Variants in CD247 observed in about 807,000 individuals in gnomAD.
The protein encoded by CD247 is T-cell surface glycoprotein CD3 zeta chain.
In CD247, 13 loss-of-function variants were observed where a neutral mutation model predicts 30.0. That is an observed-to-expected ratio of 0.43 (90% confidence interval 0.28 to 0.69). The LOEUF is 0.69. Among genes scored for constraint, CD247 ranks in the 30% least tolerant of loss-of-function variants. The probability of loss-of-function intolerance (pLI) is 0.16; values close to 1 mark genes in which losing one functional copy is unlikely to be tolerated. For missense variants in CD247, 193 were observed against 212.6 expected, an observed-to-expected ratio of 0.91 and a Z score of 0.57; for synonymous variants, 72 against 80.0, an observed-to-expected ratio of 0.90 and a Z score of 0.53.
chr1:167,460,999 C>T (rs1270072561), intron 1 of CD247, among the ~76,000 whole-genome samples: 2 of 152,228 alleles, frequency 1.3e-5, no homozygotes, highest in African/African-American at 2.4e-5. Flanking sequence ...TGTGCCCAGC[C>T]CACGCGCTGT....
rs1651252499 is a variant in CD247 at position 167,431,271 on chromosome 1, G to T, written c.*410C>A. The T allele has an allele frequency of 1.9e-6, 1 of 520,826 alleles. No homozygotes were observed. The highest frequency in any genetic ancestry group is 1.9e-5 in the African/African-American group (1 of 52,952). The allele number at this position is 520,826 out of a possible 1,614,324, so 32.3% of individuals were successfully genotyped here. ...ACAACAGAAGCCAAATTTACAGCAG[G>T]AGTGAAGCCACTCAGACACAGAGTG... On this transcript the variant is annotated 3_prime_UTR_variant, in exon 8 of 8. Transcript: ENST00000362089.
rs557544456 is a variant in CD247, at chr1:167,444,991, C to G, written c.59-4224G>C. On this transcript the variant is annotated intron_variant, in intron 1 of 7. Coordinates refer to ENST00000362089, the MANE Select transcript of CD247 (RefSeq NM_198053.3). ...CCCAGGCTGGAGTGCAATGGCATGACCTCAGCTCACTGCAACCTCTGCCTC... is the reference window on the plus strand; with the variant it reads ...CCCAGGCTGGAGTGCAATGGCATGAGCTCAGCTCACTGCAACCTCTGCCTC... 8.6e-5 allele frequency among the ~76,000 whole-genome samples: 13 copies of G among 151,712 alleles called. No individual in the cohort carries two copies. In the East Asian group the frequency reaches 2.3e-3, roughly 27 times the overall value.
At chr1:167,507,080 T>G (rs1655173457) in intron 1 of CD247, among the ~76,000 whole-genome samples, 2 of 151,868 alleles carry the variant, frequency 1.3e-5, no homozygotes, top group Admixed American at 1.3e-4. Flanking sequence ...TGTTTGTTTG[T>G]TTTTGTTTTT....
At chr1:167,450,787 C>T (rs1043640631) in intron 1 of CD247, among the ~76,000 whole-genome samples, 1 of 151,384 alleles carries the variant, frequency 6.6e-6, no homozygotes, top group Non-Finnish European at 1.5e-5. Context: ...GTGGCATGTG[C>T]CTGTAGTCCC....
chr1:167,450,643 AG>A (rs1272960968), intron 1 of CD247, among the ~76,000 whole-genome samples: 1 of 152,190 alleles, frequency 6.6e-6, no homozygotes, highest in African/African-American at 2.4e-5. Context: ...ACATACTGGG[AG>A]CAGTGGCTCA....
At chr1:167,474,568 C>T (rs1372584925) in intron 1 of CD247, among the ~76,000 whole-genome samples, 1 of 152,056 alleles carries the variant, frequency 6.6e-6, no homozygotes, top group East Asian at 1.9e-4. Context: ...CTGGCTGAGC[C>T]CCCGGTCTGG....
chr1:167,498,266 CA>C, intron 1 of CD247, among the ~76,000 whole-genome samples: 1 of 152,340 alleles, frequency 6.6e-6, no homozygotes, highest in Non-Finnish European at 1.5e-5. Context: ...CTAAAACCAA[CA>C]ATGCCTTGAC....
At chr1:167,451,828 C>T (rs533665916) in intron 1 of CD247, among the ~76,000 whole-genome samples, 7 of 152,296 alleles carry the variant, frequency 4.6e-5, no homozygotes, top group South Asian at 2.1e-4. Flanking sequence ...AAGATTAGGT[C>T]GGGCGAGGTG....
At chr1:167,463,040 CT>C (rs1448379449) in intron 1 of CD247, among the ~76,000 whole-genome samples, 1 of 152,222 alleles carries the variant, frequency 6.6e-6, no homozygotes. Flanking sequence ...GGGACTGCTT[CT>C]TTTGCTTGAT....
At chr1:167,454,850 G>C (rs1366906882) in intron 1 of CD247, among the ~76,000 whole-genome samples, 1 of 152,248 alleles carries the variant, frequency 6.6e-6, no homozygotes, top group African/African-American at 2.4e-5. Context: ...AGCCAGGAGG[G>C]CCGCACCTGC....
At chr1:167,453,427 G>T (rs1023775532) in intron 1 of CD247, among the ~76,000 whole-genome samples, 3 of 152,050 alleles carry the variant, frequency 2.0e-5, no homozygotes, top group Non-Finnish European at 2.9e-5. Context: ...TTGAAAATTA[G>T]CACCATTTCA....
chr1:167,449,912 G>C (rs1175414913), intron 1 of CD247, among the ~76,000 whole-genome samples: 2 of 150,994 alleles, frequency 1.3e-5, no homozygotes, highest in African/African-American at 2.4e-5. Context: ...GACAAAGTGA[G>C]ACTCTGTCTC....
intron 4 of CD247, among the ~76,000 whole-genome samples, chr1:167,436,874 G>T (rs1044427629): frequency 1.3e-5 from 2 of 152,110 alleles, no homozygotes; most frequent in Non-Finnish European, 2.9e-5. Flanking sequence ...GAACACTCTT[G>T]GTGGGAATGT....
chr1:167,434,407 C>T (rs983501937), intron 5 of CD247: 2 of 415,642 alleles, frequency 4.8e-6, no homozygotes, highest in African/African-American at 2.0e-5. Context: ...CACCTGGAGC[C>T]CCAGAATCAT....
At chr1:167,434,144 C>G (rs1157637406) in intron 5 of CD247, 68 bp from the exon 6 acceptor site, 1 of 1,445,386 alleles carries the variant, frequency 6.9e-7, no homozygotes, top group South Asian at 1.1e-5. Context: ...TCCCCTACAA[C>G]AGGAAGCTTC....
intron 1 of CD247, among the ~76,000 whole-genome samples, chr1:167,481,473 A>C (rs1214607): frequency 5.1e-4 from 78 of 152,032 alleles, no homozygotes; most frequent in Non-Finnish European, 9.1e-4. Flanking sequence ...TTGGGAGCAG[A>C]GGGAGGATGG....
Position 167,499,330 on chromosome 1 carries a change from GA to G in CD247, c.58+19077del, listed in dbSNP as rs1205416066. On this transcript the variant is annotated intron_variant, in intron 1 of 7. Coordinates refer to ENST00000362089, the MANE Select transcript of CD247 (RefSeq NM_198053.3). ...CCAGGTGTTTTAGTGCAGAGGTCGA[GA>G]AACCCTGCTCCAAGCATTCGATCAA... is the stretch of plus-strand genomic sequence containing the variant. Among the ~76,000 whole-genome samples, 3 of 152,150 alleles carry G rather than the reference GA, an allele frequency of 2.0e-5. No homozygotes were observed. In the East Asian group the frequency reaches 5.8e-4, roughly 29 times the overall value.
intron 1 of CD247, among the ~76,000 whole-genome samples, chr1:167,453,195 C>A (rs1439587826): frequency 1.3e-5 from 2 of 151,960 alleles, no homozygotes; most frequent in East Asian, 3.8e-4. Context: ...GTTTACAAAA[C>A]CCTTTTATAT....
At chr1:167,432,459 G>A (rs1335190711) in intron 7 of CD247, among the ~76,000 whole-genome samples, 10 of 152,236 alleles carry the variant, frequency 6.6e-5, no homozygotes, top group African/African-American at 2.4e-4. Context: ...GCCCATGGGA[G>A]CCAGAAGGAG....
Sources: allele counts gnomAD v4.1 joint callset (sites outside exome capture counted in the v4.1 genomes callset), GRCh38; gene constraint gnomAD v4.1.1; transcripts MANE v1.5; gene names NCBI Gene and HGNC (gene_info 2026-07-23, HGNC 2026-07-21).